The following MYO1E variants were observed in gnomAD, a reference collection of about 807,000 sequenced individuals.
MYO1E encodes unconventional myosin-Ie.
A neutral mutation model predicts 151.1 loss-of-function variants in MYO1E; 68 were observed. The observed-to-expected ratio is 0.45, with a 90% confidence interval of 0.37 to 0.55. The LOEUF (loss-of-function observed/expected upper bound fraction) is 0.55. MYO1E is among the 20% of genes least tolerant of loss of function. The pLI, the probability that MYO1E is intolerant of heterozygous loss-of-function variation, is 0.00. For missense variants in MYO1E, 1,363 were observed against 1,389.3 expected, an observed-to-expected ratio of 0.98 and a Z score of 0.30; for synonymous variants, 601 against 501.7, an observed-to-expected ratio of 1.20 and a Z score of -2.64.
At chr15:59,232,562 G>C (rs889453743) in intron 5 of MYO1E, among the ~76,000 whole-genome samples, 1 of 152,244 alleles carries the variant, frequency 6.6e-6, no homozygotes, top group Non-Finnish European at 1.5e-5. Context: ...TCAATAGATA[G>C]AATTTGATGT....
At chr15:59,277,241 T>C (rs758923163) in intron 1 of MYO1E, among the ~76,000 whole-genome samples, 4 of 151,998 alleles carry the variant, frequency 2.6e-5, no homozygotes, top group Non-Finnish European at 5.9e-5. Context: ...TAAACATAGT[T>C]AACTAAATAA....
In MYO1E at chr15:59,151,889, TACACACACACAC is replaced by T. The variant is rs34550013; in HGVS notation, c.3080+1689_3080+1700del. On this transcript the variant is annotated intron_variant, in intron 26 of 27. Transcript: ENST00000288235. Reference sequence around the variant, plus strand: ...AGTGAAACTCTTGTCTCTACAAAAATACACACACACACACACACACACACACAAATTAGCCGG... The same window carrying T: ...AGTGAAACTCTTGTCTCTACAAAAATACACACACACACACAAATTAGCCGG... 2.1e-3 allele frequency among the ~76,000 whole-genome samples: 315 copies of T among 147,240 alleles called. 3 individuals are homozygous for T. Among genetic ancestry groups the T allele is most frequent in the Non-Finnish European group, 3.2e-4 (21 of 66,244 alleles).
chr15:59,158,493 A>G (rs1482704313), intron 24 of MYO1E, 114 bp from the exon 25 acceptor site: 2 of 797,642 alleles, frequency 2.5e-6, no homozygotes, highest in Non-Finnish European at 4.3e-6. Flanking sequence ...TCTCAGGTGG[A>G]TCTGCAGGAG....
chr15:59,140,473 C>G (rs2079402549), intron 26 of MYO1E, among the ~76,000 whole-genome samples: 1 of 152,222 alleles, frequency 6.6e-6, no homozygotes. Context: ...ACATTCATTT[C>G]CCTACAAAAC....
intron 22 of MYO1E, among the ~76,000 whole-genome samples, chr15:59,164,836 T>C (rs1444774824): frequency 3.3e-5 from 5 of 152,200 alleles, no homozygotes; most frequent in Admixed American, 6.5e-5. Context: ...AGCCACAGCC[T>C]CTACCTTGGT....
chr15:59,148,264 A>G (rs1476451757), intron 26 of MYO1E, among the ~76,000 whole-genome samples: 4 of 152,180 alleles, frequency 2.6e-5, no homozygotes, highest in Admixed American at 2.6e-4. Flanking sequence ...AAGAAAAAGG[A>G]AAGAATGAAT....
rs766798577 is a variant in MYO1E, at chr15:59,207,562, A to T, written c.1530+1119T>A. On this transcript the variant is annotated intron_variant, in intron 14 of 27. Transcript: ENST00000288235. Reference sequence around the variant, plus strand: ...GAGTGCATTTCCCAAAAACCGTATTATTGGAAGCGGCTGTAATCTGGATAC... The same window carrying T: ...GAGTGCATTTCCCAAAAACCGTATTTTTGGAAGCGGCTGTAATCTGGATAC... 6.2e-6 allele frequency: 10 copies of T among 1,614,012 alleles called. No individual in the cohort carries two copies. Among genetic ancestry groups the T allele is most frequent in the East Asian group, 2.2e-5 (1 of 44,886 alleles).
intron 4 of MYO1E, among the ~76,000 whole-genome samples, chr15:59,254,109 C>A (rs6494088): frequency 0.98 from 149,400 of 152,238 alleles, 73,369 homozygotes; most frequent in East Asian, 1. Context: ...AGAATTCTTC[C>A]TGTTTAAGGT....
At chr15:59,260,207 C>T (rs2080217289) in intron 3 of MYO1E, among the ~76,000 whole-genome samples, 1 of 152,214 alleles carries the variant, frequency 6.6e-6, no homozygotes, top group Admixed American at 6.5e-5. Context: ...ATCTACAGCG[C>T]CTTGGCTGTC....
At chr15:59,289,265 T>A (rs557661503) in intron 1 of MYO1E, among the ~76,000 whole-genome samples, 1 of 152,328 alleles carries the variant, frequency 6.6e-6, no homozygotes, top group African/African-American at 2.4e-5. Context: ...GGCACTATTT[T>A]GGATGCTTAC....
At chr15:59,216,691 TACACACACACACACACAC>T (rs199582846) in intron 10 of MYO1E, among the ~76,000 whole-genome samples, 2 of 56,516 alleles carry the variant, frequency 3.5e-5, no homozygotes, top group African/African-American at 1.4e-4. Flanking sequence ...TATATACACA[TACACACACACACACACAC>T]ACACACACAC....
chr15:59,325,226 G>A (rs573379728), intron 1 of MYO1E, among the ~76,000 whole-genome samples: 1 of 152,202 alleles, frequency 6.6e-6, no homozygotes, highest in South Asian at 2.1e-4. Context: ...AGTAGAGAGA[G>A]GGTTTCACCA....
At chr15:59,369,696 A>T (rs1185580715) in intron 1 of MYO1E, among the ~76,000 whole-genome samples, 1 of 152,220 alleles carries the variant, frequency 6.6e-6, no homozygotes, top group Non-Finnish European at 1.5e-5. Context: ...TTTTCTCAAG[A>T]TAGAAAAGTG....
chr15:59,332,348 G>T (rs894242050), intron 1 of MYO1E, among the ~76,000 whole-genome samples: 6 of 152,140 alleles, frequency 3.9e-5, no homozygotes, highest in Admixed American at 6.5e-5. Context: ...GGAATCCTGG[G>T]CTTTTGTACA....
chr15:59,247,677 C>G (rs2080138411), intron 4 of MYO1E, among the ~76,000 whole-genome samples: 1 of 152,122 alleles, frequency 6.6e-6, no homozygotes, highest in Non-Finnish European at 1.5e-5. Flanking sequence ...GCAGAGTGAG[C>G]TGGGGGAGCT....
At position 59,164,238 on chromosome 15, in the gene MYO1E, G is replaced by A. The variant is rs141272889; in HGVS notation, c.2481-935C>T. ...TAGATTTATCACTCAGGTGAATGGG[G>A]CCACCACCCCAAAGACTATAATATA... is the stretch of plus-strand genomic sequence containing the variant. On this transcript the variant is annotated intron_variant, in intron 22 of 27. Transcript: ENST00000288235. 1.5e-4 allele frequency among the ~76,000 whole-genome samples: 23 copies of A among 152,292 alleles called. No homozygotes were observed. In the East Asian group the frequency reaches 4.2e-3, roughly 28 times the overall value.
At chr15:59,274,465 T>C (rs2080306408) in intron 1 of MYO1E, among the ~76,000 whole-genome samples, 1 of 152,204 alleles carries the variant, frequency 6.6e-6, no homozygotes. Flanking sequence ...TCCAGCTTTC[T>C]GGGCACCCAC....
At chr15:59,265,228 G>C (rs2080246358) in intron 2 of MYO1E, among the ~76,000 whole-genome samples, 1 of 152,076 alleles carries the variant, frequency 6.6e-6, no homozygotes, top group Admixed American at 6.5e-5. Flanking sequence ...GTTGTAAAGG[G>C]AATGTGGTTA....
intron 1 of MYO1E, among the ~76,000 whole-genome samples, chr15:59,337,155 T>C (rs1435699864): frequency 6.6e-6 from 1 of 152,234 alleles, no homozygotes; most frequent in East Asian, 1.9e-4. Context: ...GTTTTATTAT[T>C]ATGAATATTT....
Sources: gnomAD v4.1 joint callset for allele counts (sites outside exome capture counted in the v4.1 genomes callset) on GRCh38, gnomAD v4.1.1 for gene constraint, MANE v1.5 for transcripts, NCBI Gene and HGNC (gene_info 2026-07-23, HGNC 2026-07-21) for gene names.